NSMCE2: variants seen among roughly 807,000 people sequenced by gnomAD.
NSMCE2 encodes the protein NSE2 SUMO ligase component of SMC5/6 complex.
A neutral mutation model predicts 23.8 loss-of-function variants in NSMCE2; 24 were observed. The observed-to-expected ratio is 1.01, with a 90% confidence interval of 0.73 to 1.42. NSMCE2 has a LOEUF of 1.42. Among genes scored for constraint, NSMCE2 ranks in the 40% most tolerant of loss-of-function variants. NSMCE2 has a pLI of 0.00. For synonymous variants in NSMCE2, 92 were observed against 94.1 expected, an observed-to-expected ratio of 0.98 and a Z score of 0.13; for missense variants, 284 against 296.5, an observed-to-expected ratio of 0.96 and a Z score of 0.31.
intron 5 of NSMCE2, among the ~76,000 whole-genome samples, chr8:125,210,379 T>G (rs1431574684): frequency 2.0e-5 from 3 of 152,222 alleles, no homozygotes; most frequent in Admixed American, 6.5e-5. Flanking sequence ...TCTCCTAGTT[T>G]TGCATTTTCC....
intron 4 of NSMCE2, among the ~76,000 whole-genome samples, chr8:125,174,929 A>G (rs1346083094): frequency 6.6e-6 from 1 of 152,224 alleles, no homozygotes; most frequent in Non-Finnish European, 1.5e-5. Flanking sequence ...GCAACTGGCA[A>G]CAGAAACTGG....
intron 5 of NSMCE2, among the ~76,000 whole-genome samples, chr8:125,320,800 T>TA (rs1231268566): frequency 3.9e-5 from 6 of 152,062 alleles, no homozygotes; most frequent in Admixed American, 2.6e-4. Flanking sequence ...CATACTGCTG[T>TA]AAAAAAAATA....
At chr8:125,198,026 C>T (rs930782240) in intron 5 of NSMCE2, among the ~76,000 whole-genome samples, 18 of 152,116 alleles carry the variant, frequency 1.2e-4, no homozygotes, top group African/African-American at 3.6e-4. Context: ...GTGATTTTTG[C>T]ACATTGATTT....
chr8:125,154,358 T>C (rs1055437192), intron 4 of NSMCE2, among the ~76,000 whole-genome samples: 4 of 152,130 alleles, frequency 2.6e-5, no homozygotes, highest in African/African-American at 9.7e-5. Context: ...GAGGTATGGG[T>C]CAACTTACCA....
At chr8:125,121,694 TA>T (rs1819269515) in intron 3 of NSMCE2, among the ~76,000 whole-genome samples, 1 of 152,212 alleles carries the variant, frequency 6.6e-6, no homozygotes, top group Admixed American at 6.5e-5. Flanking sequence ...GGCAACTTAA[TA>T]ATAGCCAACT....
chr8:125,239,719 T>G (rs1355153603), intron 5 of NSMCE2, among the ~76,000 whole-genome samples: 7 of 149,086 alleles, frequency 4.7e-5, no homozygotes, highest in African/African-American at 1.7e-4. Context: ...CAATAAATAA[T>G]TAATTAGAGG....
intron 3 of NSMCE2, among the ~76,000 whole-genome samples, chr8:125,116,730 A>G (rs1354320163): frequency 6.6e-6 from 1 of 152,136 alleles, no homozygotes; most frequent in African/African-American, 2.4e-5. Flanking sequence ...TTGAGCTTGC[A>G]AGGCTAGCTT....
chr8:125,355,435 C>A (rs892410640), intron 5 of NSMCE2, among the ~76,000 whole-genome samples: 1 of 152,248 alleles, frequency 6.6e-6, no homozygotes, highest in Non-Finnish European at 1.5e-5. Context: ...CCCCGTGGCT[C>A]ATGCCTGTAA....
intron 5 of NSMCE2, among the ~76,000 whole-genome samples, chr8:125,195,904 T>TC (rs1823590627): frequency 7.5e-6 from 1 of 132,956 alleles, no homozygotes; most frequent in Admixed American, 7.6e-5. Context: ...TTTTTTTTTT[T>TC]GAGATGGAGT....
chr8:125,251,402 A>G (rs1826192122), intron 5 of NSMCE2, among the ~76,000 whole-genome samples: 1 of 152,228 alleles, frequency 6.6e-6, no homozygotes, highest in South Asian at 2.1e-4. Flanking sequence ...ACGGGTCTTA[A>G]TGGGAAGACA....
intron 4 of NSMCE2, among the ~76,000 whole-genome samples, chr8:125,156,942 G>C (rs1821352126): frequency 6.6e-6 from 1 of 152,104 alleles, no homozygotes; most frequent in African/African-American, 2.4e-5. Flanking sequence ...TTGCAGGTTG[G>C]AAGTTACCAT....
intron 5 of NSMCE2, among the ~76,000 whole-genome samples, chr8:125,253,684 A>G (rs957294772): frequency 3.9e-5 from 6 of 152,206 alleles, no homozygotes; most frequent in South Asian, 2.1e-4. Flanking sequence ...ACTTATCTTT[A>G]TATGGAATTG....
chr8:125,121,637 A>C (rs921239286), intron 3 of NSMCE2, among the ~76,000 whole-genome samples: 11 of 152,200 alleles, frequency 7.2e-5, no homozygotes, highest in African/African-American at 2.7e-4. Flanking sequence ...TAGCAGCCTG[A>C]TTCTGTATCC....
chr8:125,223,008 G>A (rs969770906), intron 5 of NSMCE2, among the ~76,000 whole-genome samples: 6 of 152,230 alleles, frequency 3.9e-5, no homozygotes, highest in African/African-American at 1.4e-4. Context: ...GCTGTGGTGA[G>A]CCAAGATTAT....
chr8:125,358,576 G>A (rs1813387959), intron 7 of NSMCE2, among the ~76,000 whole-genome samples: 1 of 151,956 alleles, frequency 6.6e-6, no homozygotes, highest in Admixed American at 6.6e-5. Flanking sequence ...CTCTGTTCCT[G>A]TAATAACATA....
intron 5 of NSMCE2, among the ~76,000 whole-genome samples, chr8:125,230,735 A>G (rs1825290396): frequency 6.6e-6 from 1 of 152,218 alleles, no homozygotes; most frequent in Non-Finnish European, 1.5e-5. Context: ...GGTCAAGTTC[A>G]CAAACTGGGC....
chr8:125,255,395 G>A (rs1206841285), intron 5 of NSMCE2, among the ~76,000 whole-genome samples: 4 of 152,130 alleles, frequency 2.6e-5, no homozygotes, highest in African/African-American at 4.8e-5. Context: ...TATTTACTAC[G>A]TATCACAGGA....
chr8:125,233,197 C>T (rs1045861768), intron 5 of NSMCE2, among the ~76,000 whole-genome samples: 2 of 152,186 alleles, frequency 1.3e-5, no homozygotes, highest in African/African-American at 2.4e-5. Flanking sequence ...TTTGGGAATA[C>T]TGTAGAGCTG....
intron 4 of NSMCE2, among the ~76,000 whole-genome samples, chr8:125,161,325 G>A (rs969438363): frequency 1.3e-5 from 2 of 151,860 alleles, no homozygotes; most frequent in African/African-American, 4.8e-5. Flanking sequence ...TAATAATACA[G>A]CACTCTTTAG....
Sources: allele counts gnomAD v4.1 joint callset (sites outside exome capture counted in the v4.1 genomes callset), GRCh38; gene constraint gnomAD v4.1.1; transcripts MANE v1.5; gene names NCBI Gene and HGNC (gene_info 2026-07-23, HGNC 2026-07-21).